The following SIAH3 variants were observed in gnomAD, a reference collection of about 807,000 sequenced individuals.
The protein encoded by SIAH3 is siah E3 ubiquitin protein ligase family member 3, also known as seven in absentia homolog 3.
A neutral mutation model predicts 12.6 loss-of-function variants in SIAH3; 9 were observed. The observed-to-expected ratio is 0.72, with a 90% confidence interval of 0.43 to 1.25. The LOEUF (loss-of-function observed/expected upper bound fraction) is 1.25, where lower values mean the gene tolerates loss of function less well. Ranked by LOEUF, SIAH3 falls within the 50% of genes most tolerant of loss-of-function variation. SIAH3 has a pLI of 0.00. For missense variants in SIAH3, 390 were observed against 365.4 expected (o/e 1.07, Z -0.55); for synonymous variants, 154 against 151.1 (o/e 1.02, Z -0.14).
chr13:45,818,052 A>T (rs897992424), intron 1 of SIAH3, among the ~76,000 whole-genome samples: 22 of 152,180 alleles, frequency 1.4e-4, no homozygotes, highest in Non-Finnish European at 2.8e-4. Context: ...CTATTGACAA[A>T]TGATGTGGAG....
chr13:45,789,940 C>G (rs1428807919), intron 1 of SIAH3, among the ~76,000 whole-genome samples: 2 of 152,132 alleles, frequency 1.3e-5, no homozygotes, highest in African/African-American at 4.8e-5. Flanking sequence ...ATAATAGATG[C>G]TAGAAATGGG....
intron 1 of SIAH3, among the ~76,000 whole-genome samples, chr13:45,803,920 T>G (rs1296497832): frequency 6.6e-6 from 1 of 152,098 alleles, no homozygotes; most frequent in Non-Finnish European, 1.5e-5. Flanking sequence ...TGGGGTAAGA[T>G]GTAAAGAAGG....
At chr13:45,810,855 C>T (rs1329616779) in intron 1 of SIAH3, among the ~76,000 whole-genome samples, 1 of 151,948 alleles carries the variant, frequency 6.6e-6, no homozygotes, top group African/African-American at 2.4e-5. Context: ...ATGCATGGGG[C>T]CTGGAAATGC....
intron 1 of SIAH3, among the ~76,000 whole-genome samples, chr13:45,789,498 C>G (rs898546927): frequency 6.6e-6 from 1 of 152,128 alleles, no homozygotes; most frequent in Non-Finnish European, 1.5e-5. Context: ...CCTCCACCTC[C>G]TAGGTTCAAG....
intron 1 of SIAH3, among the ~76,000 whole-genome samples, chr13:45,842,823 C>T (rs1950744955): frequency 6.6e-6 from 1 of 152,192 alleles, no homozygotes; most frequent in African/African-American, 2.4e-5. Context: ...CCCAACACCA[C>T]TTTCCCCACT....
chr13:45,812,117 C>T (rs1950618320), intron 1 of SIAH3, among the ~76,000 whole-genome samples: 2 of 152,214 alleles, frequency 1.3e-5, no homozygotes, highest in South Asian at 2.1e-4. Context: ...TTGGAATGGA[C>T]CCAGGGAATT....
At chr13:45,838,138 ATCT>A (rs1391444379) in intron 1 of SIAH3, among the ~76,000 whole-genome samples, 1 of 151,890 alleles carries the variant, frequency 6.6e-6, no homozygotes, top group Non-Finnish European at 1.5e-5. Flanking sequence ...GGCAAGTGTC[ATCT>A]TCTCATCTGA....
intron 1 of SIAH3, among the ~76,000 whole-genome samples, chr13:45,846,998 A>G (rs983879027): frequency 1.3e-4 from 20 of 152,196 alleles, no homozygotes; most frequent in Admixed American, 2.6e-4. Context: ...AGAGGCTGCA[A>G]AGCCTTTAGA....
chr13:45,829,755 C>G (rs1950691750), intron 1 of SIAH3, among the ~76,000 whole-genome samples: 2 of 152,020 alleles, frequency 1.3e-5, no homozygotes, highest in South Asian at 4.2e-4. Context: ...GCTTGTTTCC[C>G]TTTCTGTATT....
At chr13:45,805,158 C>T (rs957184833) in intron 1 of SIAH3, among the ~76,000 whole-genome samples, 31 of 152,054 alleles carry the variant, frequency 2.0e-4, no homozygotes, top group African/African-American at 7.2e-4. Context: ...CTGCCCAAAG[C>T]CATCTACAGA....
chr13:45,833,455 TTGCAAGAAA>T (rs1435651303), intron 1 of SIAH3, among the ~76,000 whole-genome samples: 14 of 151,262 alleles, frequency 9.3e-5, no homozygotes, highest in African/African-American at 3.2e-4. Context: ...GCTCATAGCT[TTGCAAGAAA>T]TTACACACAC....
In SIAH3 at chr13:45,779,049, A is replaced by G. The variant is rs546320917; in HGVS notation, c.*4334T>C. The G allele has an allele frequency of 6.6e-6, 1 of 152,162 alleles. No individual in the cohort carries two copies. The highest frequency in any genetic ancestry group is 1.5e-5 in the Non-Finnish European group (1 of 68,026). 9.4% of individuals were successfully genotyped at this position (152,162 alleles called of 1,614,324 possible). On this transcript the variant is annotated 3_prime_UTR_variant, in exon 2 of 2. Transcript: ENST00000400405. ...TGTCTAGTAGCATTTGCTAATTTCC[A>G]TGGTATGAATACTTCCACCATGGCT...
At chr13:45,828,305 T>C (rs1950686045) in intron 1 of SIAH3, among the ~76,000 whole-genome samples, 2 of 152,166 alleles carry the variant, frequency 1.3e-5, no homozygotes, top group Admixed American at 1.3e-4. Flanking sequence ...TGATGCCTCA[T>C]TTAGAGATGA....
In SIAH3 at chr13:45,777,360, T is replaced by A. The variant is rs2137542574; in HGVS notation, c.*6023A>T. The A allele has an allele frequency of 6.6e-6, 1 of 152,300 alleles. No individual in the cohort carries two copies. The highest frequency in any genetic ancestry group is 1.9e-4 in the East Asian group (1 of 5,184). The allele number at this position is 152,300 out of a possible 1,614,324, so 9.4% of individuals were successfully genotyped here. On this transcript the variant is annotated 3_prime_UTR_variant, in exon 2 of 2. Coordinates refer to ENST00000400405, the MANE Select transcript of SIAH3 (RefSeq NM_198849.3). ...TAACATTATAAGAAAGCATAGAAAATTATATATACATTAATTCAGGGCAAG... is the reference window on the plus strand; with the variant it reads ...TAACATTATAAGAAAGCATAGAAAAATATATATACATTAATTCAGGGCAAG...
At chr13:45,841,897 G>A (rs1332522112) in intron 1 of SIAH3, among the ~76,000 whole-genome samples, 3 of 152,156 alleles carry the variant, frequency 2.0e-5, no homozygotes, top group Admixed American at 2.0e-4. Context: ...CCTTGGCAAG[G>A]TCCTGAGAAC....
Position 45,781,831 on chromosome 13 carries a change from C to A in SIAH3, c.*1552G>T, listed in dbSNP as rs1449806238. 1 of 152,158 alleles carries A rather than the reference C, an allele frequency of 6.6e-6. No individual in the cohort carries two copies. The highest frequency in any genetic ancestry group is 1.5e-5 in the Non-Finnish European group (1 of 68,060). The allele number at this position is 152,158 out of a possible 1,614,324, so 9.4% of individuals were successfully genotyped here. ...AATTGCAGATGGCCAGCCAGGGCAA[C>A]CTGCCTGAGACTAAGTAGTCACTTG... On this transcript the variant is annotated 3_prime_UTR_variant, in exon 2 of 2. Coordinates refer to ENST00000400405, the MANE Select transcript of SIAH3 (RefSeq NM_198849.3).
chr13:45,830,995 A>G (rs1950696681), intron 1 of SIAH3, among the ~76,000 whole-genome samples: 1 of 152,114 alleles, frequency 6.6e-6, no homozygotes, highest in Non-Finnish European at 1.5e-5. Flanking sequence ...CCTGGCCAAC[A>G]TGGCGAAACC....
rs906877010 is a variant in SIAH3, at chr13:45,779,216, T to C, written c.*4167A>G. 7.2e-5 allele frequency: 11 copies of C among 152,178 alleles called. No homozygotes were observed. Among genetic ancestry groups the C allele is most frequent in the African/African-American group, 2.4e-4 (10 of 41,442 alleles). 9.4% of individuals were successfully genotyped at this position (152,178 alleles called of 1,614,324 possible). A position where few individuals can be genotyped will look rare whatever the true frequency, so the allele number is the denominator to read the frequency against. On this transcript the variant is annotated 3_prime_UTR_variant, in exon 2 of 2. Transcript: ENST00000400405. ...ATAGAGAATAAAAAGAGTAGTGAAA[T>C]AATTAGGAAGTGATGAGTTTTAAGT...
At chr13:45,849,357 G>A (rs970373061) in intron 1 of SIAH3, among the ~76,000 whole-genome samples, 3 of 152,182 alleles carry the variant, frequency 2.0e-5, no homozygotes, top group Non-Finnish European at 2.9e-5. Context: ...CCATTTTTAT[G>A]TTGCTGATTA....
Sources: gnomAD v4.1 joint callset for allele counts (sites outside exome capture counted in the v4.1 genomes callset) on GRCh38, gnomAD v4.1.1 for gene constraint, MANE v1.5 for transcripts, NCBI Gene and HGNC (gene_info 2026-07-23, HGNC 2026-07-21) for gene names.